VPS16: variants seen among roughly 807,000 people sequenced by gnomAD.
The protein encoded by VPS16 is VPS16 core subunit of CORVET and HOPS complexes.
In VPS16, 82 loss-of-function variants were observed where a neutral mutation model predicts 116.0. That is an observed-to-expected ratio of 0.71 (90% CI 0.59 to 0.85). VPS16 has a LOEUF of 0.85. VPS16 is among the 40% of genes least tolerant of loss of function. The pLI is 0.00. For missense variants in VPS16, 928 were observed against 1,090.6 expected, an observed-to-expected ratio of 0.85 and a Z score of 2.10; for synonymous variants, 406 against 420.7, an observed-to-expected ratio of 0.96 and a Z score of 0.43.
chr20:2,863,797 A>C lies in VPS16; in HGVS notation c.1477-152A>C. ...AAAGAAGTGGCGGGGGCGGAGGAGG[A>C]GGGAAAGAGAGAGAAAGAAGAAAGA... On this transcript the variant is annotated intron_variant, in intron 15 of 23. Transcript: ENST00000380445. The surrounding 1 kb of genome is among the most constrained non-coding windows in gnomAD (Gnocchi z 4.4). The C allele has an allele frequency of 9.0e-7, 1 of 1,108,146 alleles. No individual in the cohort carries two copies. The highest frequency in any genetic ancestry group is 1.3e-6 in the Non-Finnish European group (1 of 799,570). 68.6% of individuals were successfully genotyped at this position (1,108,146 alleles called of 1,614,324 possible).
intron 1 of VPS16, among the ~76,000 whole-genome samples, chr20:2,848,838 T>C (rs1020531145): frequency 6.6e-6 from 1 of 152,186 alleles, no homozygotes; most frequent in Non-Finnish European, 1.5e-5. Flanking sequence ...ATTCAGAATA[T>C]GTATCTGTTC....
In VPS16 at chr20:2,865,599, A is replaced by G; in HGVS notation, c.2271+104A>G. On this transcript the variant is annotated intron_variant, in intron 22 of 23. Transcript: ENST00000380445. This position sits in a 1 kb window ranked among gnomAD's most constrained non-coding sequence, Gnocchi z 5.2. ...GGATGGCCCGTTCATGCTCCTGTTC[A>G]GCTGCCCGCATAGTTAGCGAGTGCT... The G allele has an allele frequency of 9.5e-7, 1 of 1,051,088 alleles. No homozygotes were observed. The highest frequency in any genetic ancestry group is 1.4e-6 in the Non-Finnish European group (1 of 725,402). The allele number at this position is 1,051,088 out of a possible 1,614,324, so 65.1% of individuals were successfully genotyped here.
chr20:2,861,535 G>T, intron 8 of VPS16, 80 bp from the exon 9 acceptor site: 1 of 1,498,610 alleles, frequency 6.7e-7, no homozygotes. Context: ...AGGCTGTCCC[G>T]AGACAAAGGA....
At position 2,863,510 on chromosome 20, in the gene VPS16, C is replaced by A; in HGVS notation, c.1476+112C>A. ...GGGCACGGTGGCTCATGCCTGTAATCCCAACACTTTGGGAGGCTGAGGCGG... is the reference window on the plus strand; with the variant it reads ...GGGCACGGTGGCTCATGCCTGTAATACCAACACTTTGGGAGGCTGAGGCGG... On this transcript the variant is annotated intron_variant, in intron 15 of 23. Coordinates refer to ENST00000380445, the MANE Select transcript of VPS16 (RefSeq NM_022575.4). The surrounding 1 kb of genome is among the most constrained non-coding windows in gnomAD (Gnocchi z 4.4). The A allele has an allele frequency of 9.1e-7, 1 of 1,094,404 alleles. No homozygotes were observed. Among genetic ancestry groups the A allele is most frequent in the South Asian group, 1.4e-5 (1 of 70,580 alleles). The allele number at this position is 1,094,404 out of a possible 1,614,324, so 67.8% of individuals were successfully genotyped here.
chr20:2,857,383 A>G (rs1287920993), intron 1 of VPS16, among the ~76,000 whole-genome samples: 1 of 152,080 alleles, frequency 6.6e-6, no homozygotes, highest in Non-Finnish European at 1.5e-5. Flanking sequence ...CATTTTGGAT[A>G]TTGCTCCATG....
chr20:2,856,959 CT>C (rs943652850), intron 1 of VPS16, among the ~76,000 whole-genome samples: 60 of 138,942 alleles, frequency 4.3e-4, no homozygotes, highest in Non-Finnish European at 1.8e-4. Flanking sequence ...CCTATATGAA[CT>C]TTTTTTTCTT....
chr20:2,844,137 G>C (rs1429444998), intron 1 of VPS16, among the ~76,000 whole-genome samples: 2 of 152,160 alleles, frequency 1.3e-5, no homozygotes, highest in Non-Finnish European at 2.9e-5. Flanking sequence ...GGGTTTTGGG[G>C]GCGGGCAGGT....
intron 1 of VPS16, among the ~76,000 whole-genome samples, chr20:2,845,832 C>G (rs1350803233): frequency 6.6e-6 from 1 of 152,158 alleles, no homozygotes; most frequent in African/African-American, 2.4e-5. Flanking sequence ...TTTGACTACC[C>G]TAGACTCCTT....
chr20:2,853,096 A>G (rs1048279290), intron 1 of VPS16, among the ~76,000 whole-genome samples: 1 of 152,202 alleles, frequency 6.6e-6, no homozygotes, highest in Admixed American at 6.5e-5. Context: ...TGCCATCTCA[A>G]GAAACCACTT....
chr20:2,864,715 G>T lies in VPS16; in HGVS notation c.1926+61G>T. 1 of 1,553,496 alleles carries T rather than the reference G, an allele frequency of 6.4e-7. No homozygotes were observed. Among genetic ancestry groups the T allele is most frequent in the Non-Finnish European group, 8.8e-7 (1 of 1,131,512 alleles). Reference sequence around the variant, plus strand: ...CATGTGGGCTGGGGCTGTTGGTCCGGTTCCTTCAGGAATCTAGGCCTTCGT... The same window carrying T: ...CATGTGGGCTGGGGCTGTTGGTCCGTTTCCTTCAGGAATCTAGGCCTTCGT... On this transcript the variant is annotated intron_variant, in intron 19 of 23. Coordinates refer to ENST00000380445, the MANE Select transcript of VPS16 (RefSeq NM_022575.4). This position sits in a 1 kb window ranked among gnomAD's most constrained non-coding sequence, Gnocchi z 5.2.
chr20:2,843,290 G>C (rs933312361), intron 1 of VPS16, among the ~76,000 whole-genome samples: 2 of 151,978 alleles, frequency 1.3e-5, no homozygotes, highest in Non-Finnish European at 2.9e-5. Flanking sequence ...AAATTTGCCG[G>C]GCGTGGTGGC....
intron 1 of VPS16, among the ~76,000 whole-genome samples, chr20:2,856,595 A>G (rs2089174152): frequency 1.3e-5 from 2 of 152,186 alleles, no homozygotes; most frequent in African/African-American, 4.8e-5. Flanking sequence ...ACCCTCCCCA[A>G]AGGTAATCAC....
chr20:2,863,295 T>C lies in VPS16; in HGVS notation c.1373T>C (p.Val458Ala). The change falls in exon 15 of 24, where the codon GTG becomes GCG. Residue 458 changes from valine (V) to alanine (A), a missense_variant. Physicochemically the swap from Val to Ala is moderately conservative, Grantham distance 64 (BLOSUM62 0). Coordinates refer to ENST00000380445, the MANE Select transcript of VPS16 (RefSeq NM_022575.4). The surrounding 1 kb of genome is among the most constrained non-coding windows in gnomAD (Gnocchi z 4.4). ...LTIQVLLDRLVLRRLYPLAIQ... is the reference protein window; with the variant it reads ...LTIQVLLDRLALRRLYPLAIQ... Reference sequence around the variant, plus strand: ...TTACCCACCGGGTCTACCAGGCTCGTGTTGCGGAGACTTTACCCCCTGGCC... The same window carrying C: ...TTACCCACCGGGTCTACCAGGCTCGCGTTGCGGAGACTTTACCCCCTGGCC... 6.2e-7 allele frequency: 1 copy of C among 1,614,128 alleles called. No homozygotes were observed. Among genetic ancestry groups the C allele is most frequent in the Non-Finnish European group, 8.5e-7 (1 of 1,180,022 alleles).
intron 1 of VPS16, among the ~76,000 whole-genome samples, chr20:2,853,293 G>A (rs6132979): frequency 0.21 from 32,572 of 151,964 alleles, 3,940 homozygotes; most frequent in East Asian, 0.37. Context: ...GGAAGCCTAG[G>A]CAGGAGAATT....
At position 2,853,409 on chromosome 20, in the gene VPS16, A is replaced by AC. The variant is rs1278186139; in HGVS notation, c.54-6310_54-6309insC. On this transcript the variant is annotated intron_variant, in intron 1 of 23. Coordinates refer to ENST00000380445, the MANE Select transcript of VPS16 (RefSeq NM_022575.4). ...GTCTCAAAACAAACAAACAACAACA[A>AC]AAAAAAAAAACCCACTTTCTTTGCT... 0.015 allele frequency among the ~76,000 whole-genome samples: 619 copies of AC among 41,780 alleles called. 5 individuals carry two copies. In the African/African-American group the frequency reaches 0.2, roughly 13 times the overall value. 27.4% of individuals were successfully genotyped at this position (41,780 alleles called of 152,430 possible). A position where few individuals can be genotyped will look rare whatever the true frequency, so the allele number is the denominator to read the frequency against.
rs2089212705 is a variant in VPS16 at position 2,860,267 on chromosome 20, G to C, written c.269G>C (p.Gly90Ala). 5 of 1,613,972 alleles carry C rather than the reference G, an allele frequency of 3.1e-6. No homozygotes were observed. Among genetic ancestry groups the C allele is most frequent in the East Asian group, 2.2e-5 (1 of 44,882 alleles). ...AAGAGTGGACCCGTGGTGTCCCTGG[G>C]CTGGTCAGCTGAGGAGGAGCTGCTC... ...LWKSGPVVSLGWSAEEELLCV... is the reference protein window; with the variant it reads ...LWKSGPVVSLAWSAEEELLCV... Residue 90 changes from glycine (G) to alanine (A), a missense_variant, in exon 4 of 24, where the codon GGC becomes GCC. Transcript: ENST00000380445. This position sits in a 1 kb window ranked among gnomAD's most constrained non-coding sequence, Gnocchi z 6.1.
chr20:2,860,620 C>T lies in VPS16; in HGVS notation c.514+27C>T, dbSNP rs1348039463. 1 of 1,612,620 alleles carries T rather than the reference C, an allele frequency of 6.2e-7. No individual in the cohort carries two copies. Reference sequence around the variant, plus strand: ...TAAGCCCTGACACCGCTGAGATAGCCAAGCAGTACCCACAGATGTGCCTCT... The same window carrying T: ...TAAGCCCTGACACCGCTGAGATAGCTAAGCAGTACCCACAGATGTGCCTCT... On this transcript the variant is annotated intron_variant, in intron 5 of 23. Transcript: ENST00000380445. The surrounding 1 kb of genome is among the most constrained non-coding windows in gnomAD (Gnocchi z 6.1).
chr20:2,860,520 C>T lies in VPS16; in HGVS notation c.441C>T (p.Leu147=). 6.2e-7 allele frequency: 1 copy of T among 1,614,008 alleles called. No homozygotes were observed. The highest frequency in any genetic ancestry group is 1.6e-4 in the Middle Eastern group (1 of 6,062). ...AGTTTGGTTCCGGAGTGGCCATCCT[C>T]ACAGGGGCCCACCGCTTCACCCTCA... The part of the protein sequence containing the change: ...HTEFGSGVAI[L]TGAHRFTLSA... The change falls in exon 5 of 24, where the codon CTC becomes CTT. Residue 147 remains leucine, a synonymous_variant. Transcript: ENST00000380445. This position sits in a 1 kb window ranked among gnomAD's most constrained non-coding sequence, Gnocchi z 6.1.
intron 1 of VPS16, among the ~76,000 whole-genome samples, chr20:2,842,647 G>T (rs2088993369): frequency 1.2e-5 from 1 of 86,332 alleles, no homozygotes; most frequent in Non-Finnish European, 2.3e-5. Flanking sequence ...TAGATAGATA[G>T]ATATAGATAG....
Sources: allele counts gnomAD v4.1 joint callset (sites outside exome capture counted in the v4.1 genomes callset), GRCh38; gene constraint gnomAD v4.1.1; non-coding constraint Gnocchi (gnomAD v3.1); transcripts MANE v1.5; gene names NCBI Gene and HGNC (gene_info 2026-07-23, HGNC 2026-07-21).